Variants in CLASP2 observed in about 807,000 individuals in gnomAD.
CLASP2 encodes cytoplasmic linker associated protein 2.
In CLASP2, 47 loss-of-function variants were observed where a neutral mutation model predicts 194.4. The ratio of observed to expected loss-of-function variants is 0.24; its 90% CI spans 0.19 to 0.31. The LOEUF (loss-of-function observed/expected upper bound fraction) is 0.31, where lower values mean the gene tolerates loss of function less well. Ranked by LOEUF, CLASP2 falls within the 10% of genes least tolerant of loss-of-function variation. The pLI is 1.00. For missense variants in CLASP2, 1,445 were observed against 1,823.6 expected (o/e 0.79, Z 3.78); for synonymous variants, 619 against 633.5 (o/e 0.98, Z 0.34).
chr3:33,575,263 C>G (rs1242496750), intron 24 of CLASP2, among the ~76,000 whole-genome samples: 1 of 152,056 alleles, frequency 6.6e-6, no homozygotes, highest in African/African-American at 2.4e-5. Context: ...AAATGGTTAG[C>G]GCAGAACTAC....
chr3:33,691,772 C>A (rs2091381090), intron 2 of CLASP2, among the ~76,000 whole-genome samples: 1 of 152,226 alleles, frequency 6.6e-6, no homozygotes, highest in South Asian at 2.1e-4. Context: ...ATCCTTGCAA[C>A]AGTCCTATGA....
intron 29 of CLASP2, among the ~76,000 whole-genome samples, chr3:33,552,018 A>AT (rs1361381373): frequency 1.3e-5 from 2 of 151,908 alleles, no homozygotes; most frequent in Non-Finnish European, 2.9e-5. Context: ...GTTGTTAGAA[A>AT]TGCCTCCCAA....
intron 3 of CLASP2, among the ~76,000 whole-genome samples, chr3:33,689,344 T>A (rs1330775326): frequency 6.7e-6 from 1 of 150,082 alleles, no homozygotes; most frequent in African/African-American, 2.5e-5. Flanking sequence ...AAAATGTAAA[T>A]GAATAAACGA....
intron 30 of CLASP2, among the ~76,000 whole-genome samples, chr3:33,548,759 ATTTC>A (rs2059546560): frequency 1.8e-5 from 2 of 111,512 alleles, no homozygotes; most frequent in African/African-American, 6.9e-5. Flanking sequence ...CTACGGTTTC[ATTTC>A]TTTTTTTTTT....
chr3:33,608,943 C>CT (rs1295926733), intron 13 of CLASP2, among the ~76,000 whole-genome samples: 1 of 151,908 alleles, frequency 6.6e-6, no homozygotes, highest in African/African-American at 2.4e-5. Flanking sequence ...TTCAAAAATA[C>CT]TTTAAGACTT....
At position 33,612,418 on chromosome 3, in the gene CLASP2, C is replaced by T. The variant is rs141215654; in HGVS notation, c.1318-347G>A. Among the ~76,000 whole-genome samples, 348 of 152,258 alleles carry T rather than the reference C, an allele frequency of 2.3e-3. 2 individuals are homozygous for T. The highest frequency in any genetic ancestry group is 8.0e-3 in the African/African-American group (333 of 41,538). ...ATTTTCTGAAGTACCATGGCTACTG[C>T]TGGTAAAAAATCATAATTGCCATGT... On this transcript the variant is annotated intron_variant, in intron 12 of 38. Transcript: ENST00000682230.
chr3:33,604,778 G>C (rs555468689), intron 16 of CLASP2, among the ~76,000 whole-genome samples: 2 of 152,120 alleles, frequency 1.3e-5, no homozygotes, highest in Non-Finnish European at 2.9e-5. Context: ...GGTTGCCTTT[G>C]TTCACTCTGC....
At chr3:33,602,516 G>C (rs1308400702) in intron 18 of CLASP2, 1 of 759,146 alleles carries the variant, frequency 1.3e-6, no homozygotes, top group South Asian at 1.4e-5. Context: ...TAGAGTTTTG[G>C]AATATATGTT....
At chr3:33,688,878 AC>A (rs2091023940) in intron 3 of CLASP2, among the ~76,000 whole-genome samples, 1 of 152,104 alleles carries the variant, frequency 6.6e-6, no homozygotes, top group Non-Finnish European at 1.5e-5. Flanking sequence ...TTTTATAGCT[AC>A]CTACCACACT....
At chr3:33,550,191 G>C (rs778421113) in intron 30 of CLASP2, among the ~76,000 whole-genome samples, 3 of 151,938 alleles carry the variant, frequency 2.0e-5, no homozygotes, top group Non-Finnish European at 4.4e-5. Context: ...ATCACTTGAG[G>C]ACAGGAGTTT....
chr3:33,521,207 A>C (rs1221348513), intron 34 of CLASP2, among the ~76,000 whole-genome samples: 1 of 152,216 alleles, frequency 6.6e-6, no homozygotes, highest in Non-Finnish European at 1.5e-5. Flanking sequence ...TTCTCAAATA[A>C]ATTTTCTAGA....
chr3:33,651,579 ACAC>A (rs1445190831), intron 7 of CLASP2, among the ~76,000 whole-genome samples: 8 of 151,204 alleles, frequency 5.3e-5, no homozygotes, highest in Non-Finnish European at 1.2e-4. Flanking sequence ...TATATTAATC[ACAC>A]CTTGTCCTTT....
chr3:33,607,565 G>A (rs573358667), intron 14 of CLASP2, 104 bp from the exon 15 acceptor site: 3 of 643,578 alleles, frequency 4.7e-6, no homozygotes, highest in East Asian at 3.0e-5. Flanking sequence ...ACAGGTAGGC[G>A]AGGAAAATAA....
chr3:33,525,960 G>C (rs1455923768), intron 34 of CLASP2, among the ~76,000 whole-genome samples: 1 of 152,168 alleles, frequency 6.6e-6, no homozygotes, highest in East Asian at 1.9e-4. Flanking sequence ...TTGCTGTTTG[G>C]GTGACTTGGC....
chr3:33,610,746 C>A (rs1250154185), intron 13 of CLASP2, among the ~76,000 whole-genome samples: 1 of 152,162 alleles, frequency 6.6e-6, no homozygotes, highest in African/African-American at 2.4e-5. Context: ...GTAGGCTGTA[C>A]AAAACCAGAC....
intron 8 of CLASP2, among the ~76,000 whole-genome samples, chr3:33,643,755 G>A (rs577875396): frequency 1.3e-5 from 2 of 151,986 alleles, no homozygotes; most frequent in African/African-American, 4.8e-5. Context: ...GGAAAAAACT[G>A]GGGGTTGTAT....
chr3:33,668,005 G>C (rs1043724843), intron 6 of CLASP2, among the ~76,000 whole-genome samples: 1 of 152,070 alleles, frequency 6.6e-6, no homozygotes, highest in African/African-American at 2.4e-5. Flanking sequence ...AAATCACAAG[G>C]TCAGGAGTTT....
At chr3:33,602,849 C>T in intron 18 of CLASP2, 103 bp downstream of exon 18, 1 of 1,187,706 alleles carries the variant, frequency 8.4e-7, no homozygotes, top group Admixed American at 2.0e-5. Flanking sequence ...ATGGACTATC[C>T]TTAAATAACA....
At chr3:33,544,183 A>G (rs1216753361) in intron 31 of CLASP2, among the ~76,000 whole-genome samples, 1 of 152,216 alleles carries the variant, frequency 6.6e-6, no homozygotes, top group African/African-American at 2.4e-5. Context: ...ACACACAAAT[A>G]TACATATTTC....
Sources: gnomAD v4.1 joint callset for allele counts (sites outside exome capture counted in the v4.1 genomes callset) on GRCh38, gnomAD v4.1.1 for gene constraint, MANE v1.5 for transcripts, NCBI Gene and HGNC (gene_info 2026-07-23, HGNC 2026-07-21) for gene names.